Variants in LTBP1 observed in about 807,000 individuals in gnomAD.
LTBP1 encodes the protein latent-transforming growth factor beta-binding protein 1.
Under a neutral mutation model 207.6 loss-of-function variants are expected in LTBP1, and 129 were observed. The observed-to-expected ratio is 0.62, with a 90% CI of 0.54 to 0.72. The LOEUF (loss-of-function observed/expected upper bound fraction) is 0.72, where lower values mean the gene tolerates loss of function less well. LTBP1 is among the 30% of genes least tolerant of loss of function. The pLI, the probability that LTBP1 is intolerant of heterozygous loss-of-function variation, is 0.00. For missense variants in LTBP1, 2,281 were observed against 2,217.2 expected (o/e 1.03, Z -0.58); for synonymous variants, 963 against 833.7 (o/e 1.16, Z -2.67).
chr2:33,171,814 A>G (rs199792124), intron 5 of LTBP1, among the ~76,000 whole-genome samples: 1 of 152,336 alleles, frequency 6.6e-6, no homozygotes, highest in East Asian at 1.9e-4. Context: ...ATCTCTCGGC[A>G]GAAACTCTAC....
At chr2:33,188,344 C>T (rs371268502) in intron 6 of LTBP1, among the ~76,000 whole-genome samples, 33 of 145,328 alleles carry the variant, frequency 2.3e-4, no homozygotes, top group African/African-American at 8.3e-4. Flanking sequence ...TCGCTTGAAC[C>T]TGGGATGCAG....
At chr2:32,959,617 A>T (rs1044115835) in intron 2 of LTBP1, among the ~76,000 whole-genome samples, 9,535 of 36,724 alleles carry the variant, frequency 0.26, 919 homozygotes, top group Non-Finnish European at 0.37. Flanking sequence ...ATATATATAT[A>T]TATATTTTTT....
chr2:33,095,840 G>A (rs2079355517), intron 3 of LTBP1, among the ~76,000 whole-genome samples: 1 of 151,990 alleles, frequency 6.6e-6, no homozygotes, highest in African/African-American at 2.4e-5. Context: ...AAAACAAAGA[G>A]AAAAATTATT....
chr2:33,181,917 A>C (rs957045384), intron 5 of LTBP1, among the ~76,000 whole-genome samples: 5 of 152,232 alleles, frequency 3.3e-5, no homozygotes, highest in African/African-American at 1.2e-4. Context: ...TTGAATCCTA[A>C]AGTTTGTAGG....
chr2:33,181,357 T>TGAGTA lies in LTBP1; in HGVS notation c.1202-5499_1202-5498insGAGTA, dbSNP rs1479342523. Among the ~76,000 whole-genome samples the TGAGTA allele has an allele frequency of 3.9e-5, 6 of 152,352 alleles. No homozygotes were observed. In the East Asian group the frequency reaches 5.8e-4, roughly 15 times the overall value. ...TCGTGGCACAGAATGTGAATATTAT[T>TGAGTA]CTGTCAGCCCAATTACTTGAGTACT... is the stretch of plus-strand genomic sequence containing the variant. On this transcript the variant is annotated intron_variant, in intron 5 of 33. Coordinates refer to ENST00000404816, the MANE Select transcript of LTBP1 (RefSeq NM_206943.4).
chr2:32,957,032 C>G (rs898456240), intron 2 of LTBP1, among the ~76,000 whole-genome samples: 1 of 152,212 alleles, frequency 6.6e-6, no homozygotes. Context: ...TGTAAACACA[C>G]AGACTGTCAT....
At chr2:33,171,950 C>G (rs1464450622) in intron 5 of LTBP1, among the ~76,000 whole-genome samples, 1 of 152,130 alleles carries the variant, frequency 6.6e-6, no homozygotes, top group African/African-American at 2.4e-5. Context: ...TACAGACAAG[C>G]AAATGCTGAG....
At chr2:33,233,841 C>CT (rs945445794) in intron 9 of LTBP1, among the ~76,000 whole-genome samples, 6 of 151,398 alleles carry the variant, frequency 4.0e-5, no homozygotes, top group Non-Finnish European at 7.4e-5. Context: ...ATTTTGCTAA[C>CT]TTTTTTTTTA....
intron 9 of LTBP1, among the ~76,000 whole-genome samples, chr2:33,239,762 G>T (rs954148600): frequency 6.6e-6 from 1 of 151,452 alleles, no homozygotes; most frequent in African/African-American, 2.4e-5. Flanking sequence ...AAATTAGCTG[G>T]GCATGGTGGC....
intron 2 of LTBP1, among the ~76,000 whole-genome samples, chr2:33,007,793 C>T (rs929594092): frequency 4.6e-5 from 7 of 152,200 alleles, no homozygotes; most frequent in Non-Finnish European, 7.3e-5. Flanking sequence ...TCTGGTGCTA[C>T]TCTGAACCAG....
At chr2:33,041,373 C>T (rs910768167) in intron 3 of LTBP1, among the ~76,000 whole-genome samples, 7 of 152,136 alleles carry the variant, frequency 4.6e-5, no homozygotes, top group East Asian at 1.9e-4. Context: ...CAACCTCCGC[C>T]GCCTGGGTTC....
At chr2:33,278,549 G>T (rs958821407) in intron 18 of LTBP1, among the ~76,000 whole-genome samples, 1 of 152,162 alleles carries the variant, frequency 6.6e-6, no homozygotes, top group Non-Finnish European at 1.5e-5. Flanking sequence ...ACTTTATTCT[G>T]TTAAGGTATT....
At chr2:33,005,309 C>T (rs1226885999) in intron 2 of LTBP1, among the ~76,000 whole-genome samples, 1 of 152,174 alleles carries the variant, frequency 6.6e-6, no homozygotes, top group East Asian at 1.9e-4. Flanking sequence ...GATTTACCTC[C>T]AAGGTGGCAC....
chr2:33,271,795 C>T (rs1018547409), intron 15 of LTBP1, among the ~76,000 whole-genome samples: 2 of 152,022 alleles, frequency 1.3e-5, no homozygotes, highest in South Asian at 2.1e-4. Context: ...AACAAATAAG[C>T]ATTTTCCTAT....
intron 3 of LTBP1, among the ~76,000 whole-genome samples, chr2:33,056,136 C>T (rs2076985380): frequency 6.6e-6 from 1 of 152,100 alleles, no homozygotes; most frequent in Non-Finnish European, 1.5e-5. Flanking sequence ...CCTCAGGTGG[C>T]CGTTTTTCCC....
At chr2:33,304,045 C>A (rs2094043273) in intron 22 of LTBP1, among the ~76,000 whole-genome samples, 1 of 152,210 alleles carries the variant, frequency 6.6e-6, no homozygotes, top group Non-Finnish European at 1.5e-5. Context: ...TAACAGAAGT[C>A]TAAGGTTTTT....
chr2:33,292,148 A>G (rs926742800), intron 19 of LTBP1, among the ~76,000 whole-genome samples: 4 of 152,198 alleles, frequency 2.6e-5, no homozygotes, highest in African/African-American at 9.7e-5. Context: ...GGGCCATTCA[A>G]ATGGAGCACA....
chr2:33,310,816 T>C (rs1244252660), intron 23 of LTBP1, among the ~76,000 whole-genome samples: 1 of 152,246 alleles, frequency 6.6e-6, no homozygotes, highest in African/African-American at 2.4e-5. Flanking sequence ...AGCTTTCCTC[T>C]ATTTACTAGT....
At chr2:33,117,695 A>G (rs954566118) in intron 4 of LTBP1, among the ~76,000 whole-genome samples, 1 of 152,180 alleles carries the variant, frequency 6.6e-6, no homozygotes, top group Non-Finnish European at 1.5e-5. Flanking sequence ...CAGAATGCTC[A>G]TGGGAGGTGT....
Sources: allele counts gnomAD v4.1 joint callset (sites outside exome capture counted in the v4.1 genomes callset), GRCh38; gene constraint gnomAD v4.1.1; transcripts MANE v1.5; gene names NCBI Gene and HGNC (gene_info 2026-07-23, HGNC 2026-07-21).